XYLT1: variants seen among roughly 807,000 people sequenced by gnomAD.
The protein encoded by XYLT1 is xylosyltransferase 1, also known as beta-D-xylosyltransferase 1.
Under a neutral mutation model 91.3 loss-of-function variants are expected in XYLT1, and 36 were observed. The ratio of observed to expected loss-of-function variants is 0.39; its 90% CI spans 0.30 to 0.52. XYLT1 has a LOEUF of 0.52. Ranked by LOEUF, XYLT1 falls within the 20% of genes least tolerant of loss-of-function variation. The pLI is 0.68. For missense variants in XYLT1, 1,242 were observed against 1,284.5 expected, an observed-to-expected ratio of 0.97 and a Z score of 0.51; for synonymous variants, 588 against 532.0, an observed-to-expected ratio of 1.11 and a Z score of -1.45.
chr16:17,200,854 G>A (rs556001463), intron 3 of XYLT1, among the ~76,000 whole-genome samples, 200 bp from the exon 4 acceptor site: 86 of 152,304 alleles, frequency 5.6e-4, no homozygotes, highest in African/African-American at 2.0e-3. Context: ...AGGGGACCCT[G>A]GGGTTGTTAC....
At position 17,207,114 on chromosome 16, in the gene XYLT1, A is replaced by G. The variant is rs1171703761; in HGVS notation, c.914-6460T>C. ...CTCTTGTCACCTAGGCTGGAGTGCAATGGTGCAATCTTGGCTCACTGCAAC... is the reference window on the plus strand; with the variant it reads ...CTCTTGTCACCTAGGCTGGAGTGCAGTGGTGCAATCTTGGCTCACTGCAAC... On this transcript the variant is annotated intron_variant, in intron 3 of 11. Transcript: ENST00000261381. 1.7e-4 allele frequency among the ~76,000 whole-genome samples: 25 copies of G among 143,732 alleles called. No individual in the cohort carries two copies. In the Admixed American group the frequency reaches 1.8e-3, roughly 10 times the overall value. The allele number at this position is 143,732 out of a possible 152,430, so 94.3% of individuals were successfully genotyped here.
chr16:17,319,769 C>A (rs1340067378), intron 2 of XYLT1, among the ~76,000 whole-genome samples: 1 of 152,146 alleles, frequency 6.6e-6, no homozygotes, highest in Non-Finnish European at 1.5e-5. Context: ...AGATACCAAG[C>A]CTGAATTTGA....
intron 11 of XYLT1, among the ~76,000 whole-genome samples, chr16:17,115,608 A>G (rs976836788): frequency 6.6e-6 from 1 of 151,448 alleles, no homozygotes; most frequent in Non-Finnish European, 1.5e-5. Flanking sequence ...CCTCCCAAGT[A>G]GCTGGGACTA....
At chr16:17,333,928 T>C (rs7205461) in intron 2 of XYLT1, among the ~76,000 whole-genome samples, 73,851 of 151,902 alleles carry the variant, frequency 0.49, 18,362 homozygotes, top group Admixed American at 0.59. Flanking sequence ...TATTAAGTGG[T>C]GGGTCCTTTA....
Position 17,323,917 on chromosome 16 carries a change from T to C in XYLT1, c.402+34095A>G, listed in dbSNP as rs2034762554. ...AAGCATCATATGTAGCTTTAAAACA[T>C]TTAACTTATTCAGAGCTGGCCAACT... On this transcript the variant is annotated intron_variant, in intron 2 of 11. Transcript: ENST00000261381. Among the ~76,000 whole-genome samples the C allele has an allele frequency of 2.0e-5, 3 of 152,314 alleles. No individual in the cohort carries two copies. In the South Asian group the frequency reaches 6.2e-4, roughly 32 times the overall value.
intron 2 of XYLT1, among the ~76,000 whole-genome samples, chr16:17,291,820 C>A (rs1596468229): frequency 6.6e-6 from 1 of 152,160 alleles, no homozygotes; most frequent in South Asian, 2.1e-4. Context: ...CACTGTTCCA[C>A]TGACCAAAAA....
At chr16:17,372,299 T>C (rs2035545448) in intron 1 of XYLT1, among the ~76,000 whole-genome samples, 1 of 152,260 alleles carries the variant, frequency 6.6e-6, no homozygotes, top group South Asian at 2.1e-4. Context: ...ATCTTATTAC[T>C]AGTGCACTAA....
chr16:17,264,728 G>A (rs2033776186), intron 2 of XYLT1, among the ~76,000 whole-genome samples: 1 of 152,272 alleles, frequency 6.6e-6, no homozygotes, highest in African/African-American at 2.4e-5. Flanking sequence ...CACCAAAACA[G>A]ACAGTATTAG....
At chr16:17,271,469 C>A (rs1349051379) in intron 2 of XYLT1, among the ~76,000 whole-genome samples, 1 of 152,132 alleles carries the variant, frequency 6.6e-6, no homozygotes, top group Non-Finnish European at 1.5e-5. Flanking sequence ...GAGGGAGACA[C>A]ACACACAGAT....
chr16:17,378,302 T>G (rs1277640866), intron 1 of XYLT1, among the ~76,000 whole-genome samples: 1 of 149,312 alleles, frequency 6.7e-6, no homozygotes, highest in Non-Finnish European at 1.5e-5. Flanking sequence ...GTTCCAAGAC[T>G]TTTTTTTTTC....
intron 1 of XYLT1, among the ~76,000 whole-genome samples, chr16:17,430,768 G>A (rs993363293): frequency 2.0e-5 from 3 of 152,136 alleles, no homozygotes; most frequent in Admixed American, 6.5e-5. Context: ...TAAAAACAGA[G>A]CTAACCAGCC....
intron 2 of XYLT1, among the ~76,000 whole-genome samples, chr16:17,317,118 G>A (rs184702933): frequency 4.0e-4 from 60 of 151,640 alleles, no homozygotes; most frequent in African/African-American, 1.1e-3. Context: ...CACCGTGCCC[G>A]GCCCCCAGGC....
intron 2 of XYLT1, among the ~76,000 whole-genome samples, chr16:17,356,913 A>G (rs1283517084): frequency 6.6e-6 from 1 of 152,136 alleles, no homozygotes; most frequent in African/African-American, 2.4e-5. Context: ...GCAGTGGCTC[A>G]TGCCTGTAAT....
intron 5 of XYLT1, among the ~76,000 whole-genome samples, chr16:17,172,746 A>G (rs552500885): frequency 5.9e-4 from 90 of 152,242 alleles, no homozygotes; most frequent in African/African-American, 2.0e-3. Context: ...GTGCTGGGAT[A>G]ACAGGCGTGA....
At chr16:17,268,127 T>C (rs1419395493) in intron 2 of XYLT1, among the ~76,000 whole-genome samples, 1 of 152,114 alleles carries the variant, frequency 6.6e-6, no homozygotes, top group African/African-American at 2.4e-5. Flanking sequence ...ACAGTGGAGT[T>C]TTCCAGAAAC....
At chr16:17,462,082 T>C (rs1236761951) in intron 1 of XYLT1, among the ~76,000 whole-genome samples, 1 of 152,170 alleles carries the variant, frequency 6.6e-6, no homozygotes, top group Non-Finnish European at 1.5e-5. Flanking sequence ...ACCACACATC[T>C]TGTGGCCAAA....
At chr16:17,338,594 T>C (rs1475612025) in intron 2 of XYLT1, 1 of 432,648 alleles carries the variant, frequency 2.3e-6, no homozygotes, top group Admixed American at 2.5e-5. Context: ...TCGTGTCCCC[T>C]TATCCTGGTC....
At chr16:17,143,390 C>T (rs1028479860) in intron 6 of XYLT1, among the ~76,000 whole-genome samples, 4 of 152,152 alleles carry the variant, frequency 2.6e-5, no homozygotes, top group Non-Finnish European at 5.9e-5. Context: ...AGCTCTGCTC[C>T]TAAGGAGCTA....
At chr16:17,413,882 C>T (rs565124827) in intron 1 of XYLT1, among the ~76,000 whole-genome samples, 43 of 152,242 alleles carry the variant, frequency 2.8e-4, no homozygotes, top group African/African-American at 9.6e-4. Context: ...CAGCCATCAC[C>T]ATATCTAACT....
Sources: gnomAD v4.1 joint callset for allele counts (sites outside exome capture counted in the v4.1 genomes callset) on GRCh38, gnomAD v4.1.1 for gene constraint, MANE v1.5 for transcripts, NCBI Gene and HGNC (gene_info 2026-07-23, HGNC 2026-07-21) for gene names.